Variants in PIK3C2G observed in about 807,000 individuals in gnomAD.
The protein encoded by PIK3C2G is phosphatidylinositol 3-kinase C2 domain-containing subunit gamma.
A neutral mutation model predicts 181.1 loss-of-function variants in PIK3C2G; 168 were observed. That is an observed-to-expected ratio of 0.93 (90% CI 0.82 to 1.05). The LOEUF is 1.05. Ranked by LOEUF, PIK3C2G falls within the 50% of genes least tolerant of loss-of-function variation. The probability of loss-of-function intolerance (pLI) is 0.00; values close to 1 mark genes in which losing one functional copy is unlikely to be tolerated. For missense variants in PIK3C2G, 1,869 were observed against 1,732.8 expected (o/e 1.08, Z -1.40); for synonymous variants, 573 against 592.2 (o/e 0.97, Z 0.47).
chr12:18,346,005 C>T (rs1028245760), intron 10 of PIK3C2G, among the ~76,000 whole-genome samples: 1 of 152,120 alleles, frequency 6.6e-6, no homozygotes, highest in Non-Finnish European at 1.5e-5. Flanking sequence ...TTTCTTCTTT[C>T]ATGACAAGTC....
chr12:18,525,415 G>T (rs567156796), intron 24 of PIK3C2G, among the ~76,000 whole-genome samples: 22 of 152,004 alleles, frequency 1.4e-4, no homozygotes, highest in Non-Finnish European at 2.4e-4. Context: ...TCTGTATATC[G>T]AAGTTCATAA....
chr12:18,640,194 A>G (rs1301729814), intron 31 of PIK3C2G, among the ~76,000 whole-genome samples: 1 of 152,056 alleles, frequency 6.6e-6, no homozygotes, highest in Non-Finnish European at 1.5e-5. Context: ...TGGACTTTAA[A>G]TGTAGTTCTC....
At chr12:18,556,958 G>A (rs573798560) in intron 26 of PIK3C2G, among the ~76,000 whole-genome samples, 3 of 152,234 alleles carry the variant, frequency 2.0e-5, no homozygotes, top group Admixed American at 2.0e-4. Context: ...TTATGAAATT[G>A]AAGGGAAAAT....
At chr12:18,699,681 G>A in the PIK3C2G span, 1 of 1,168,034 alleles carries the variant, frequency 8.6e-7, no homozygotes, top group African/African-American at 1.5e-5. Flanking sequence ...TGTTAAATGT[G>A]TTGAAATTTT....
rs145139332 is a variant in PIK3C2G at position 18,282,126 on chromosome 12, C to T, written c.45C>T (p.His15=). 84 of 1,607,110 alleles carry T rather than the reference C, an allele frequency of 5.2e-5. 1 individual carries two copies. The highest frequency in any genetic ancestry group is 3.3e-4 in the Middle Eastern group (2 of 6,056). ...CGGATCCAAATCCTAATGAATCACA[C>T]GAAAAGCAGTATGAACACCAAGAAT... The part of the protein sequence containing the change: ...WQTDPNPNES[H]EKQYEHQEFL... The change falls in exon 2 of 33, where the codon CAC becomes CAT. Residue 15 remains histidine, a synonymous_variant. Coordinates refer to ENST00000538779, the MANE Select transcript of PIK3C2G (RefSeq NM_001288772.2).
intron 28 of PIK3C2G, among the ~76,000 whole-genome samples, chr12:18,564,444 C>T (rs965301678): frequency 3.3e-5 from 5 of 150,202 alleles, no homozygotes; most frequent in East Asian, 1.9e-4. Context: ...TGGATTTTTA[C>T]TCGGCTTTCA....
intron 16 of PIK3C2G, 33 bp from the exon 17 acceptor site, chr12:18,420,908 A>G (rs760376248): frequency 8.0e-6 from 9 of 1,130,628 alleles, no homozygotes; most frequent in Non-Finnish European, 1.2e-5. Flanking sequence ...CCTTACCATT[A>G]ACAGCTTAGT....
At chr12:18,513,933 T>C (rs1180893327) in intron 24 of PIK3C2G, among the ~76,000 whole-genome samples, 1 of 151,808 alleles carries the variant, frequency 6.6e-6, no homozygotes. Context: ...TTTTGAGGCG[T>C]TATGTTACAT....
chr12:18,701,495 C>G, the PIK3C2G span: 1 of 1,613,956 alleles, frequency 6.2e-7, no homozygotes, highest in East Asian at 2.2e-5. Flanking sequence ...CAAAACACCA[C>G]CTCACCTTCT....
intron 11 of PIK3C2G, among the ~76,000 whole-genome samples, chr12:18,355,621 C>T (rs944117727): frequency 2.0e-5 from 3 of 152,154 alleles, no homozygotes; most frequent in African/African-American, 7.2e-5. Context: ...GCACCGCTAA[C>T]TCCCACCACC....
intron 18 of PIK3C2G, among the ~76,000 whole-genome samples, chr12:18,455,698 A>G (rs1257515780): frequency 1.2e-4 from 18 of 151,996 alleles, no homozygotes; most frequent in Admixed American, 1.1e-3. Flanking sequence ...GTTTTCTCAC[A>G]TGGCCAAAGG....
At chr12:18,321,761 T>C (rs1037420965) in intron 7 of PIK3C2G, among the ~76,000 whole-genome samples, 1 of 152,132 alleles carries the variant, frequency 6.6e-6, no homozygotes, top group African/African-American at 2.4e-5. Context: ...CATGCAGCCA[T>C]ATAAAGGAAT....
At chr12:18,678,873 G>C in the PIK3C2G span, among the ~76,000 whole-genome samples, 1 of 152,000 alleles carries the variant, frequency 6.6e-6, no homozygotes, top group African/African-American at 2.4e-5. Context: ...CAAAAAGCTT[G>C]AGTTATATGG....
intron 26 of PIK3C2G, among the ~76,000 whole-genome samples, chr12:18,546,995 T>A (rs566463447): frequency 1.3e-5 from 2 of 152,128 alleles, no homozygotes; most frequent in Non-Finnish European, 2.9e-5. Context: ...TTTTGAATTT[T>A]TCTTTTTAAA....
chr12:18,305,833 T>C (rs12827124), intron 5 of PIK3C2G, among the ~76,000 whole-genome samples: 34,991 of 151,894 alleles, frequency 0.23, 4,330 homozygotes, highest in African/African-American at 0.32. Flanking sequence ...TTACTAAATT[T>C]TATAAATTTC....
intron 30 of PIK3C2G, among the ~76,000 whole-genome samples, chr12:18,603,609 A>T (rs781327611): frequency 3.3e-5 from 5 of 152,118 alleles, no homozygotes; most frequent in South Asian, 4.1e-4. Context: ...GAATCTTAAG[A>T]CCTGTGAGAC....
the PIK3C2G span, among the ~76,000 whole-genome samples, chr12:18,687,755 T>A: frequency 3.7e-4 from 56 of 152,156 alleles, 1 homozygote; most frequent in Non-Finnish European, 7.2e-4. Flanking sequence ...TTTGATTTAA[T>A]ACAAAGGCTA....
rs2136353551 is a variant in PIK3C2G at position 18,567,042 on chromosome 12, A to C, written c.3996A>C (p.Ser1332=). The C allele has an allele frequency of 7.3e-7, 1 of 1,362,594 alleles. No homozygotes were observed. Among genetic ancestry groups the C allele is most frequent in the South Asian group, 1.2e-5 (1 of 81,882 alleles). 84.4% of individuals were successfully genotyped at this position (1,362,594 alleles called of 1,614,324 possible). The change falls in exon 29 of 33, where the codon TCA becomes TCC. Residue 1332 remains serine, a synonymous_variant. Transcript: ENST00000538779. The part of the protein sequence containing the change: ...NHYMEQILNV[S]HEVTNSDCVL... ...ACATGGAACAGATATTAAATGTATC[A>C]CATGAAGTTACAAACGTATGTTATA...
At chr12:18,400,064 T>TGTA (rs1944158672) in intron 16 of PIK3C2G, among the ~76,000 whole-genome samples, 2 of 152,188 alleles carry the variant, frequency 1.3e-5, no homozygotes, top group Admixed American at 6.5e-5. Flanking sequence ...TATAATAAAT[T>TGTA]GTAGAAGTTT....
Sources: gnomAD v4.1 joint callset for allele counts (sites outside exome capture counted in the v4.1 genomes callset) on GRCh38, gnomAD v4.1.1 for gene constraint, MANE v1.5 for transcripts, NCBI Gene and HGNC (gene_info 2026-07-23, HGNC 2026-07-21) for gene names.